The following RBMS1 variants were observed in gnomAD, a reference collection of about 807,000 sequenced individuals.
RBMS1 encodes the protein RNA-binding motif, single-stranded-interacting protein 1.
RBMS1 carries 17 observed loss-of-function variants against 62.3 expected under a neutral mutation model. That is an observed-to-expected ratio of 0.27 (90% CI 0.19 to 0.41). RBMS1 has a LOEUF of 0.41. Ranked by LOEUF, RBMS1 falls within the 10% of genes least tolerant of loss-of-function variation. The pLI is 1.00. For synonymous variants in RBMS1, 172 were observed against 170.0 expected (o/e 1.01, Z -0.09); for missense variants, 334 against 504.5 (o/e 0.66, Z 3.24).
intron 2 of RBMS1, among the ~76,000 whole-genome samples, chr2:160,332,574 C>G (rs116553185): frequency 1.4e-3 from 207 of 152,312 alleles, no homozygotes; most frequent in African/African-American, 4.8e-3. Flanking sequence ...TAGCAGAACA[C>G]AACCCCTCCA....
chr2:160,367,057 T>C, intron 2 of RBMS1, 159 bp downstream of exon 2: 2 of 588,788 alleles, frequency 3.4e-6, no homozygotes, highest in East Asian at 3.0e-5. Flanking sequence ...ACTCAAAAAG[T>C]ATTTAAGAAG....
At chr2:160,431,581 A>G (rs1443237985) in intron 1 of RBMS1, among the ~76,000 whole-genome samples, 4 of 151,810 alleles carry the variant, frequency 2.6e-5, no homozygotes, top group Non-Finnish European at 5.9e-5. Flanking sequence ...AATCTTTCAC[A>G]TGGCCCACAT....
chr2:160,379,964 T>C (rs973472915), intron 1 of RBMS1, among the ~76,000 whole-genome samples: 8 of 152,210 alleles, frequency 5.3e-5, no homozygotes, highest in Non-Finnish European at 8.8e-5. Flanking sequence ...GTTCCTACAC[T>C]TGAGTTTTCT....
intron 1 of RBMS1, among the ~76,000 whole-genome samples, chr2:160,369,003 G>A (rs1423814753): frequency 6.6e-6 from 1 of 152,032 alleles, no homozygotes; most frequent in African/African-American, 2.4e-5. Context: ...TCCTTCCACT[G>A]CCCAGGTTCC....
intron 6 of RBMS1, among the ~76,000 whole-genome samples, chr2:160,296,150 C>G (rs1024492944): frequency 6.6e-6 from 1 of 152,180 alleles, no homozygotes; most frequent in Admixed American, 6.5e-5. Context: ...TTTGTCTTTA[C>G]TTGGGCAGAA....
chr2:160,463,918 T>C (rs772580106), intron 1 of RBMS1, among the ~76,000 whole-genome samples: 1 of 152,208 alleles, frequency 6.6e-6, no homozygotes, highest in Non-Finnish European at 1.5e-5. Flanking sequence ...TCTTTCTCTA[T>C]GGTTATGAAA....
chr2:160,303,464 G>A lies in RBMS1; in HGVS notation c.426C>T (p.Asn142=). 1 of 1,611,534 alleles carries A rather than the reference G, an allele frequency of 6.2e-7. No homozygotes were observed. The highest frequency in any genetic ancestry group is 2.2e-5 in the East Asian group (1 of 44,628). The change falls in exon 5 of 14, where the codon AAC becomes AAT. Residue 142 remains asparagine (N), a synonymous_variant. Coordinates refer to ENST00000348849, the MANE Select transcript of RBMS1 (RefSeq NM_016836.4). ...AGAGTGGCAAATTAGAAATGTAGAG[G>A]TTGGTAGGATCTTGTTCCTGTTGCT... The part of the protein sequence containing the change: ...MAKQQEQDPT[N]LYISNLPLSM...
chr2:160,294,488 G>C (rs1688837921), intron 6 of RBMS1, among the ~76,000 whole-genome samples: 1 of 152,184 alleles, frequency 6.6e-6, no homozygotes, highest in South Asian at 2.1e-4. Flanking sequence ...AGGCAGTGTA[G>C]AAGTGACAGC....
At chr2:160,300,473 A>C (rs185583925) in intron 6 of RBMS1, among the ~76,000 whole-genome samples, 178 bp downstream of exon 6, 16 of 152,340 alleles carry the variant, frequency 1.1e-4, no homozygotes, top group Admixed American at 2.6e-4. Flanking sequence ...TAACATTTAA[A>C]CATCCAATGC....
intron 7 of RBMS1, among the ~76,000 whole-genome samples, chr2:160,286,505 A>C (rs1001363826): frequency 2.6e-5 from 4 of 151,786 alleles, no homozygotes; most frequent in Admixed American, 2.6e-4. Flanking sequence ...TTTTTAGTAG[A>C]GACGGGGTTT....
chr2:160,397,980 T>G (rs1695234229), intron 1 of RBMS1, among the ~76,000 whole-genome samples: 1 of 152,210 alleles, frequency 6.6e-6, no homozygotes, highest in South Asian at 2.1e-4. Context: ...TCTCTTGTCT[T>G]GACACATTCT....
intron 6 of RBMS1, among the ~76,000 whole-genome samples, chr2:160,295,877 A>G (rs1688909888): frequency 6.6e-6 from 1 of 152,240 alleles, no homozygotes; most frequent in African/African-American, 2.4e-5. Flanking sequence ...TCAAAACAAA[A>G]GTGTCCTAGA....
chr2:160,416,626 A>G (rs1477255309), intron 1 of RBMS1, among the ~76,000 whole-genome samples: 1 of 152,192 alleles, frequency 6.6e-6, no homozygotes, highest in Non-Finnish European at 1.5e-5. Context: ...TTTTTTGAAC[A>G]GGTAGATACC....
At chr2:160,377,336 G>A (rs1014190380) in intron 1 of RBMS1, among the ~76,000 whole-genome samples, 2 of 152,144 alleles carry the variant, frequency 1.3e-5, no homozygotes, top group Non-Finnish European at 2.9e-5. Flanking sequence ...GCCACCTACA[G>A]GTTAAAAAAC....
At chr2:160,343,741 G>A (rs374990419) in intron 2 of RBMS1, among the ~76,000 whole-genome samples, 52 of 152,240 alleles carry the variant, frequency 3.4e-4, no homozygotes, top group Middle Eastern at 3.4e-3. Flanking sequence ...AATAATTAGA[G>A]TGGAGCCCCT....
rs563383569 is a variant in RBMS1, at chr2:160,286,372, T to A, written c.756+597A>T. ...TCTCGCTCTGTTGCCCAGGCTGGAG[T>A]GCAGTGGCATGATCTTGGAACACTG... On this transcript the variant is annotated intron_variant, in intron 7 of 13. Coordinates refer to ENST00000348849, the MANE Select transcript of RBMS1 (RefSeq NM_016836.4). Among the ~76,000 whole-genome samples the A allele has an allele frequency of 1.7e-4, 25 of 147,844 alleles. No individual in the cohort carries two copies. The South Asian group carries it at 4.3e-3, about 25-fold the overall frequency.
At chr2:160,472,270 G>C (rs1348631911) in intron 1 of RBMS1, among the ~76,000 whole-genome samples, 1 of 152,060 alleles carries the variant, frequency 6.6e-6, no homozygotes, top group East Asian at 1.9e-4. Flanking sequence ...GGCAGAGAAA[G>C]AAAACTTCAA....
At chr2:160,307,764 A>G (rs1442956744) in intron 4 of RBMS1, among the ~76,000 whole-genome samples, 2 of 152,256 alleles carry the variant, frequency 1.3e-5, no homozygotes, top group African/African-American at 4.8e-5. Flanking sequence ...TCATCAACAA[A>G]ACAAACACTT....
chr2:160,434,491 G>GAA (rs775251357), intron 1 of RBMS1, among the ~76,000 whole-genome samples: 6 of 141,898 alleles, frequency 4.2e-5, no homozygotes, highest in Non-Finnish European at 6.2e-5. Flanking sequence ...AGACAGAAAG[G>GAA]AAAAAAAAAA....
Sources: allele counts gnomAD v4.1 joint callset (sites outside exome capture counted in the v4.1 genomes callset), GRCh38; gene constraint gnomAD v4.1.1; transcripts MANE v1.5; gene names NCBI Gene and HGNC (gene_info 2026-07-23, HGNC 2026-07-21).